RBM19: variants seen among roughly 807,000 people sequenced by gnomAD.
RBM19 encodes the protein probable RNA-binding protein 19.
Under a neutral mutation model 116.8 loss-of-function variants are expected in RBM19, and 94 were observed. The ratio of observed to expected loss-of-function variants is 0.80; its 90% confidence interval spans 0.68 to 0.95. The LOEUF is 0.95. RBM19 is among the 40% of genes least tolerant of loss of function. RBM19 has a pLI of 0.00. For missense variants in RBM19, 1,161 were observed against 1,220.7 expected (o/e 0.95, Z 0.73); for synonymous variants, 475 against 494.1 (o/e 0.96, Z 0.51).
chr12:113,902,553 T>G (rs546185668), intron 21 of RBM19, among the ~76,000 whole-genome samples: 2 of 140,288 alleles, frequency 1.4e-5, no homozygotes, highest in East Asian at 4.3e-4. Context: ...GAGCAATGAT[T>G]ACACTACTGT....
intron 21 of RBM19, among the ~76,000 whole-genome samples, chr12:113,863,873 C>T (rs1593501470): frequency 6.6e-6 from 1 of 152,216 alleles, no homozygotes; most frequent in Non-Finnish European, 1.5e-5. Context: ...TATGCCACCC[C>T]TACCAATTTT....
intron 21 of RBM19, among the ~76,000 whole-genome samples, chr12:113,872,356 CCT>C (rs1469802505): frequency 2.0e-5 from 3 of 150,138 alleles, no homozygotes; most frequent in African/African-American, 4.9e-5. Flanking sequence ...AAGTGAGGAG[CCT>C]CTCTGCCCGG....
intron 8 of RBM19, 70 bp from the exon 9 acceptor site, chr12:113,950,224 C>T: frequency 7.8e-7 from 1 of 1,280,980 alleles, no homozygotes; most frequent in Non-Finnish European, 1.1e-6. Context: ...CCCAGAGGAA[C>T]ACCCATACTG....
At chr12:113,830,587 GGGTGGGCTATGCCT>G in intron 23 of RBM19, among the ~76,000 whole-genome samples, 1 of 95,568 alleles carries the variant, frequency 1.0e-5, no homozygotes, top group South Asian at 6.5e-4. Context: ...GGGGGGGGGG[GGGTGGGCTATGCCT>G]GGGGGCTTCT....
chr12:113,957,817 C>T lies in RBM19; in HGVS notation c.805G>A (p.Ala269Thr). ...GCCTCCGGTGGTCTCTTTTTCCCAG[C>T]TGGCATCCCTTGCTCTTGGCCTGCA... Reference protein sequence around the residue: ...KGAGQEQGMPAGKKRPPEARA... With the variant: ...KGAGQEQGMPTGKKRPPEARA... The change falls in exon 6 of 24, where the codon GCT becomes ACT. Residue 269 changes from alanine to threonine, a missense_variant. Ala to Thr is a moderately conservative substitution (Grantham distance 58, BLOSUM62 0). Transcript: ENST00000261741. 1 of 1,606,338 alleles carries T rather than the reference C, an allele frequency of 6.2e-7. No individual in the cohort carries two copies.
intron 21 of RBM19, among the ~76,000 whole-genome samples, chr12:113,908,248 G>C (rs3782453): frequency 0.67 from 102,163 of 151,988 alleles, 35,137 homozygotes; most frequent in East Asian, 0.98. Flanking sequence ...TCAAAGGGCT[G>C]GAAGCTTTTG....
At chr12:113,956,923 C>A (rs1435514849) in intron 6 of RBM19, among the ~76,000 whole-genome samples, 1 of 152,190 alleles carries the variant, frequency 6.6e-6, no homozygotes, top group Non-Finnish European at 1.5e-5. Flanking sequence ...GCACGGCAGG[C>A]ATGGTGCCTA....
At chr12:113,842,430 TG>T (rs1318802432) in intron 23 of RBM19, among the ~76,000 whole-genome samples, 1 of 152,258 alleles carries the variant, frequency 6.6e-6, no homozygotes, top group Non-Finnish European at 1.5e-5. Context: ...CATCAGGATT[TG>T]GGGTCTTATT....
intron 23 of RBM19, among the ~76,000 whole-genome samples, chr12:113,844,203 C>T (rs1470598707): frequency 2.0e-5 from 3 of 152,170 alleles, no homozygotes; most frequent in South Asian, 2.1e-4. Context: ...GGAAGTGGAC[C>T]GGGTCATGGA....
rs1284825491 is a variant in RBM19 at position 113,822,305 on chromosome 12, C to T, written c.*919G>A. 6.6e-6 allele frequency: 1 copy of T among 152,280 alleles called. No homozygotes were observed. The highest frequency in any genetic ancestry group is 1.9e-4 in the East Asian group (1 of 5,194). The allele number at this position is 152,280 out of a possible 1,614,324, so 9.4% of individuals were successfully genotyped here. ...TGCCTGGTGCTGGCACAGGCCCTTC[C>T]AGGCGGGAGGCTGCGTCTCAGGCTG... On this transcript the variant is annotated 3_prime_UTR_variant, in exon 24 of 24. Coordinates refer to ENST00000261741, the MANE Select transcript of RBM19 (RefSeq NM_016196.4).
intron 23 of RBM19, among the ~76,000 whole-genome samples, chr12:113,839,746 G>T (rs998737178): frequency 1.3e-5 from 2 of 152,202 alleles, no homozygotes; most frequent in African/African-American, 4.8e-5. Context: ...GCCAGAAGGG[G>T]TACCCCTGTT....
intron 21 of RBM19, among the ~76,000 whole-genome samples, chr12:113,877,315 A>C (rs1464265083): frequency 6.6e-6 from 1 of 152,094 alleles, no homozygotes. Flanking sequence ...TCCCGTTACC[A>C]CAGAAGAAGC....
At chr12:113,829,888 C>A (rs1254690910) in intron 23 of RBM19, among the ~76,000 whole-genome samples, 1 of 152,242 alleles carries the variant, frequency 6.6e-6, no homozygotes, top group Admixed American at 6.5e-5. Flanking sequence ...AATCCAGCTG[C>A]CCAAGATAAG....
chr12:113,957,387 C>T (rs1049010717), intron 6 of RBM19, among the ~76,000 whole-genome samples: 1 of 151,984 alleles, frequency 6.6e-6, no homozygotes, highest in Non-Finnish European at 1.5e-5. Context: ...ACCAGCCTGG[C>T]TAACATGACA....
At chr12:113,871,039 A>G (rs956963107) in intron 21 of RBM19, among the ~76,000 whole-genome samples, 2 of 152,186 alleles carry the variant, frequency 1.3e-5, no homozygotes, top group African/African-American at 4.8e-5. Context: ...ATGTGAGGCA[A>G]TGCCACCATT....
At chr12:113,913,692 G>A (rs1019682651) in intron 21 of RBM19, among the ~76,000 whole-genome samples, 7 of 152,220 alleles carry the variant, frequency 4.6e-5, no homozygotes, top group African/African-American at 1.4e-4. Flanking sequence ...GGCTGATTTT[G>A]TAACCACAGA....
In RBM19 at chr12:113,939,832, G is replaced by GT. The variant is rs545074473; in HGVS notation, c.1938+127dup. The GT allele has an allele frequency of 5.5e-5, 52 of 941,872 alleles. No homozygotes were observed. The East Asian group carries it at 1.2e-3, about 21-fold the overall frequency. 58.3% of individuals were successfully genotyped at this position (941,872 alleles called of 1,614,324 possible). On this transcript the variant is annotated intron_variant, in intron 15 of 23. Coordinates refer to ENST00000261741, the MANE Select transcript of RBM19 (RefSeq NM_016196.4). Reference sequence around the variant, plus strand: ...GCAGGGATGATATTCAGCCATGATCGTGACGGGCGGTTTAGGGTGAGCTCC... The same window carrying GT: ...GCAGGGATGATATTCAGCCATGATCGTTGACGGGCGGTTTAGGGTGAGCTCC...
At chr12:113,820,318 T>G (rs1289286517), downstream of RBM19, among the ~76,000 whole-genome samples, 1 of 150,988 alleles carries the variant, frequency 6.6e-6, no homozygotes, top group Non-Finnish European at 1.5e-5. Flanking sequence ...AAGCCCAAGC[T>G]TGGGTTGGAC....
chr12:113,872,423 G>A lies in RBM19; in HGVS notation c.2559-13527C>T, dbSNP rs867358828. 3.2e-3 allele frequency among the ~76,000 whole-genome samples: 459 copies of A among 142,572 alleles called. 2 individuals carry two copies. The highest frequency in any genetic ancestry group is 4.2e-3 in the Non-Finnish European group (272 of 64,780). The allele number at this position is 142,572 out of a possible 152,430, so 93.5% of individuals were successfully genotyped here. On this transcript the variant is annotated intron_variant, in intron 21 of 23. Coordinates refer to ENST00000261741, the MANE Select transcript of RBM19 (RefSeq NM_016196.4). ...GGGTCAGCCCTCCGCCCGGCCAGCC[G>A]CCCCGTCTGGGAGGTGAGGGGCGCC...
Sources: gnomAD v4.1 joint callset for allele counts (sites outside exome capture counted in the v4.1 genomes callset) on GRCh38, gnomAD v4.1.1 for gene constraint, MANE v1.5 for transcripts, NCBI Gene and HGNC (gene_info 2026-07-23, HGNC 2026-07-21) for gene names.